Variants in STX16 observed in about 807,000 individuals in gnomAD.
STX16 encodes syntaxin-16.
In STX16, 28 loss-of-function variants were observed where a neutral mutation model predicts 42.7. The observed-to-expected ratio is 0.66, with a 90% CI of 0.49 to 0.90. The LOEUF is 0.90. Ranked by LOEUF, STX16 falls within the 40% of genes least tolerant of loss-of-function variation. STX16 has a pLI of 0.00. For synonymous variants in STX16, 156 were observed against 155.2 expected, an observed-to-expected ratio of 1.00 and a Z score of -0.04; for missense variants, 361 against 420.9, an observed-to-expected ratio of 0.86 and a Z score of 1.24.
chr20:58,670,380 G>A, intron 5 of STX16, 132 bp from the exon 6 acceptor site: 1 of 658,002 alleles, frequency 1.5e-6, no homozygotes, highest in Admixed American at 2.4e-5. Flanking sequence ...TTGGAGATAG[G>A]CTTCTTTAAA....
Position 58,652,144 on chromosome 20 carries a change from T to C in STX16, c.132+6T>C. On this transcript the variant is annotated splice_donor_region_variant and intron_variant, in intron 1 of 8. Transcript: ENST00000371141. Reference sequence around the variant, plus strand: ...ATTCACGTAGCATTGCTGCGGTGAGTCTCCTGGCGGCCTCTCCGACACACG... The same window carrying C: ...ATTCACGTAGCATTGCTGCGGTGAGCCTCCTGGCGGCCTCTCCGACACACG... 1 of 1,613,330 alleles carries C rather than the reference T, an allele frequency of 6.2e-7. No individual in the cohort carries two copies. The highest frequency in any genetic ancestry group is 8.5e-7 in the Non-Finnish European group (1 of 1,179,908).
chr20:58,661,045 G>C (rs896803938), intron 2 of STX16, among the ~76,000 whole-genome samples: 5 of 152,094 alleles, frequency 3.3e-5, no homozygotes, highest in African/African-American at 1.2e-4. Flanking sequence ...CCAGCTCCCC[G>C]CCTGGGCACG....
At position 58,676,986 on chromosome 20, in the gene STX16, C is replaced by G. The variant is rs1266116695; in HGVS notation, c.*695C>G. 1 of 152,580 alleles carries G rather than the reference C, an allele frequency of 6.6e-6. No individual in the cohort carries two copies. The highest frequency in any genetic ancestry group is 1.5e-5 in the Non-Finnish European group (1 of 68,040). 9.5% of individuals were successfully genotyped at this position (152,580 alleles called of 1,614,324 possible). A position where few individuals can be genotyped will look rare whatever the true frequency, so the allele number is the denominator to read the frequency against. On this transcript the variant is annotated 3_prime_UTR_variant, in exon 9 of 9. Transcript: ENST00000371141. Reference sequence around the variant, plus strand: ...TTAAATTAATTGTAAATGGAATATTCCTCATTTAAAATTTTTGCACTGCAT... The same window carrying G: ...TTAAATTAATTGTAAATGGAATATTGCTCATTTAAAATTTTTGCACTGCAT...
intron 8 of STX16, among the ~76,000 whole-genome samples, chr20:58,675,594 C>A (rs1426617661): frequency 6.6e-6 from 1 of 152,168 alleles, no homozygotes; most frequent in Non-Finnish European, 1.5e-5. Context: ...GTATCGTTAG[C>A]GGCACTGGGA....
intron 1 of STX16, among the ~76,000 whole-genome samples, chr20:58,656,909 G>A (rs900412377): frequency 1.3e-5 from 2 of 152,180 alleles, no homozygotes; most frequent in African/African-American, 4.8e-5. Flanking sequence ...AAGTACTATT[G>A]TTTTTCTCAG....
At chr20:58,675,173 T>G (rs1315474100) in intron 8 of STX16, among the ~76,000 whole-genome samples, 1 of 151,980 alleles carries the variant, frequency 6.6e-6, no homozygotes, top group East Asian at 1.9e-4. Context: ...CTCGGTGCTG[T>G]CCCCGTGCCT....
At chr20:58,659,784 A>C in intron 2 of STX16, 150 bp downstream of exon 2, 1 of 798,302 alleles carries the variant, frequency 1.3e-6, no homozygotes, top group Non-Finnish European at 1.9e-6. Context: ...TTAACAGTTT[A>C]ATATGTAGAA....
In STX16 at chr20:58,661,879, A is replaced by G. The variant is rs79417542; in HGVS notation, c.144+2245A>G. ...GGGGAGGCCTGAGCAAATGTCCCTG[A>G]GTGAATATCACTTGCATCTCCCAGA... On this transcript the variant is annotated intron_variant, in intron 2 of 8. Coordinates refer to ENST00000371141, the MANE Select transcript of STX16 (RefSeq NM_001001433.3). 9.5e-4 allele frequency among the ~76,000 whole-genome samples: 144 copies of G among 152,294 alleles called. 2 individuals are homozygous for G. The East Asian group carries it at 0.017, about 18-fold the overall frequency.
At chr20:58,653,224 T>C (rs1042451509) in intron 1 of STX16, among the ~76,000 whole-genome samples, 1 of 152,234 alleles carries the variant, frequency 6.6e-6, no homozygotes, top group Admixed American at 6.5e-5. Flanking sequence ...TTTGGAACAT[T>C]CATTTCACCT....
At chr20:58,668,184 G>C in intron 4 of STX16, 57 bp downstream of exon 4, 2 of 1,599,208 alleles carry the variant, frequency 1.3e-6, no homozygotes, top group Non-Finnish European at 1.7e-6. Flanking sequence ...GGCAATCTCA[G>C]AAACTAGAGT....
intron 2 of STX16, among the ~76,000 whole-genome samples, chr20:58,666,404 G>GTT (rs1004268999): frequency 2.9e-5 from 4 of 136,860 alleles, no homozygotes; most frequent in African/African-American, 1.1e-4. Flanking sequence ...ATTTCCCTCT[G>GTT]TTTTTTGTGT....
chr20:58,665,842 T>C (rs1041337910), intron 2 of STX16, among the ~76,000 whole-genome samples: 9 of 152,172 alleles, frequency 5.9e-5, no homozygotes, highest in African/African-American at 2.2e-4. Context: ...AGCGTGGTCA[T>C]TGCCTAAGAT....
At chr20:58,652,449 A>G (rs919581933) in intron 1 of STX16, 4 of 418,506 alleles carry the variant, frequency 9.6e-6, no homozygotes, top group Admixed American at 3.2e-5. Context: ...TAACGCTAAC[A>G]TTGGGAAGCA....
chr20:58,664,281 C>T (rs1175379924), intron 2 of STX16, among the ~76,000 whole-genome samples: 1 of 152,168 alleles, frequency 6.6e-6, no homozygotes, highest in Non-Finnish European at 1.5e-5. Context: ...AACATACTGT[C>T]TTGTTTTTTA....
At chr20:58,661,652 C>T (rs1200628473) in intron 2 of STX16, among the ~76,000 whole-genome samples, 3 of 152,236 alleles carry the variant, frequency 2.0e-5, no homozygotes, top group Non-Finnish European at 2.9e-5. Flanking sequence ...TCATTCCACT[C>T]GTTTCTTGTC....
Position 58,673,764 on chromosome 20 carries a change from A to G in STX16, c.873+53A>G, listed in dbSNP as rs961997141. 2.2e-5 allele frequency: 29 copies of G among 1,303,680 alleles called. 1 individual carries two copies. In the African/African-American group the frequency reaches 3.5e-4, roughly 16 times the overall value. 80.8% of individuals were successfully genotyped at this position (1,303,680 alleles called of 1,614,324 possible). ...CTTAGGAACTATTTTCAAATAATCA[A>G]GAATTGGTAAGAGGGTTCTTTTCCA... is the stretch of plus-strand genomic sequence containing the variant. On this transcript the variant is annotated intron_variant, in intron 8 of 8. Transcript: ENST00000371141.
At position 58,660,713 on chromosome 20, in the gene STX16, CTTTTTTTTTTTTTT is replaced by C. The variant is rs10706096; in HGVS notation, c.144+1092_144+1105del. On this transcript the variant is annotated intron_variant, in intron 2 of 8. Transcript: ENST00000371141. Reference sequence around the variant, plus strand: ...AGCATGGATAATATGATTCCTGCTCCTTTTTTTTTTTTTTTTTTTTTTTTTTCAGGAAAAATAAC... The same window carrying C: ...AGCATGGATAATATGATTCCTGCTCCTTTTTTTTTTTTCAGGAAAAATAAC... 9.9e-5 allele frequency among the ~76,000 whole-genome samples: 7 copies of C among 70,742 alleles called. No homozygotes were observed. In the East Asian group the frequency reaches 1.7e-3, roughly 17 times the overall value. 46.4% of individuals were successfully genotyped at this position (70,742 alleles called of 152,430 possible).
chr20:58,670,966 T>C (rs2083955457), intron 6 of STX16, among the ~76,000 whole-genome samples, 188 bp from the exon 7 acceptor site: 1 of 152,240 alleles, frequency 6.6e-6, no homozygotes, highest in South Asian at 2.1e-4. Flanking sequence ...TAGATCCTGC[T>C]GGTTTAGGGA....
chr20:58,666,314 C>T (rs2083826001), intron 2 of STX16, among the ~76,000 whole-genome samples: 1 of 151,932 alleles, frequency 6.6e-6, no homozygotes, highest in Admixed American at 6.5e-5. Context: ...AAATTCTGAG[C>T]TCTGGAGGGC....
Sources: gnomAD v4.1 joint callset for allele counts (sites outside exome capture counted in the v4.1 genomes callset) on GRCh38, gnomAD v4.1.1 for gene constraint, MANE v1.5 for transcripts, NCBI Gene and HGNC (gene_info 2026-07-23, HGNC 2026-07-21) for gene names.